The following IPO7 variants were observed in gnomAD, a reference collection of about 807,000 sequenced individuals.
IPO7 encodes importin-7.
Under a neutral mutation model 136.4 loss-of-function variants are expected in IPO7, and 13 were observed. That is an observed-to-expected ratio of 0.10 (90% CI 0.06 to 0.15). The LOEUF (loss-of-function observed/expected upper bound fraction) is 0.15, where lower values mean the gene tolerates loss of function less well. Ranked by LOEUF, IPO7 falls within the 10% of genes least tolerant of loss-of-function variation. The pLI, the probability that IPO7 is intolerant of heterozygous loss-of-function variation, is 1.00. For missense variants in IPO7, 857 were observed against 1,240.6 expected, an observed-to-expected ratio of 0.69 and a Z score of 4.65; for synonymous variants, 403 against 404.4, an observed-to-expected ratio of 1.00 and a Z score of 0.04.
intron 1 of IPO7, among the ~76,000 whole-genome samples, chr11:9,388,991 A>T (rs545015546): frequency 2.0e-5 from 3 of 152,116 alleles, no homozygotes; most frequent in Admixed American, 1.3e-4. Context: ...ACTTCCTGTT[A>T]TAATATTAAT....
chr11:9,415,778 C>T (rs1432157276), intron 5 of IPO7, among the ~76,000 whole-genome samples: 1 of 150,906 alleles, frequency 6.6e-6, no homozygotes, highest in Non-Finnish European at 1.5e-5. Flanking sequence ...GCAGAGGTTG[C>T]AGTGAGCCGA....
intron 16 of IPO7, 26 bp from the exon 17 acceptor site, chr11:9,433,544 A>G (rs771631323): frequency 3.8e-6 from 6 of 1,559,936 alleles, no homozygotes; most frequent in African/African-American, 2.7e-5. Flanking sequence ...CTGTAACTGC[A>G]TATGATTTTT....
intron 1 of IPO7, among the ~76,000 whole-genome samples, chr11:9,392,864 G>C (rs917910428): frequency 6.7e-6 from 1 of 149,816 alleles, no homozygotes; most frequent in South Asian, 2.1e-4. Context: ...TATGAGAACC[G>C]CTTGAACCTG....
intron 22 of IPO7, 95 bp downstream of exon 22, chr11:9,438,380 A>G (rs537892889): frequency 4.1e-4 from 313 of 765,608 alleles, no homozygotes; most frequent in Non-Finnish European, 5.9e-4. Context: ...TAATCCCAGC[A>G]CTTTGGGAGG....
chr11:9,431,041 T>C (rs1475088858), intron 16 of IPO7, 38 bp downstream of exon 16: 2 of 1,581,882 alleles, frequency 1.3e-6, no homozygotes, highest in Non-Finnish European at 1.7e-6. Context: ...TTTCAAGCCA[T>C]TTTATGCTTT....
rs1274832696 is a variant in IPO7 at position 9,397,342 on chromosome 11, ATATAT to A, written c.85-5947_85-5943del. On this transcript the variant is annotated intron_variant, in intron 1 of 24. Transcript: ENST00000379719. ...TTTACTAAAAATAATTTAAAAAAAA[ATATAT>A]ATATATATATATATATATTAGTCGG... is the stretch of plus-strand genomic sequence containing the variant. Among the ~76,000 whole-genome samples, 20 of 14,526 alleles carry A rather than the reference ATATAT, an allele frequency of 1.4e-3. 3 individuals carry two copies. Among genetic ancestry groups the A allele is most frequent in the African/African-American group, 5.1e-3 (18 of 3,526 alleles). 9.5% of individuals were successfully genotyped at this position (14,526 alleles called of 152,430 possible).
intron 24 of IPO7, among the ~76,000 whole-genome samples, chr11:9,442,928 CA>C (rs1855478559): frequency 6.6e-6 from 1 of 152,020 alleles, no homozygotes; most frequent in African/African-American, 2.4e-5. Flanking sequence ...GAGGCTGAGG[CA>C]GGAAAATTGC....
chr11:9,419,078 G>A (rs1010681997), intron 6 of IPO7, among the ~76,000 whole-genome samples: 2 of 151,964 alleles, frequency 1.3e-5, no homozygotes, highest in Non-Finnish European at 2.9e-5. Flanking sequence ...GTCTTTTTGT[G>A]GTCACATGTT....
At chr11:9,397,341 A>AAAAAAAAAAAAAAAAAAT in intron 1 of IPO7, among the ~76,000 whole-genome samples, 2 of 10,762 alleles carry the variant, frequency 1.9e-4, no homozygotes, top group Admixed American at 2.1e-3. Context: ...TTTAAAAAAA[A>AAAAAAAAAAAAAAAAAAT]ATATATATAT....
At chr11:9,410,196 T>C (rs1319143015) in intron 4 of IPO7, 110 bp downstream of exon 4, 1 of 649,662 alleles carries the variant, frequency 1.5e-6, no homozygotes, top group East Asian at 3.4e-5. Flanking sequence ...ATAAAATTAG[T>C]GAATTATATG....
At chr11:9,405,795 A>G (rs1854874221) in intron 2 of IPO7, among the ~76,000 whole-genome samples, 2 of 152,182 alleles carry the variant, frequency 1.3e-5, no homozygotes, top group African/African-American at 4.8e-5. Flanking sequence ...CTTTTTGTAA[A>G]TATTTCTAAT....
At chr11:9,391,106 G>A (rs950108542) in intron 1 of IPO7, among the ~76,000 whole-genome samples, 1 of 151,774 alleles carries the variant, frequency 6.6e-6, no homozygotes, top group African/African-American at 2.4e-5. Flanking sequence ...TTTTTTTAAA[G>A]TTCCTAGTTG....
rs1855174889 is a variant in IPO7 at position 9,424,432 on chromosome 11, A to G, written c.1142-482A>G. ...AATAAAAATGAAAGCTATTAGGAGG[A>G]ATTCATGGATTAACATTTAATTTTC... is the stretch of plus-strand genomic sequence containing the variant. On this transcript the variant is annotated intron_variant, in intron 10 of 24. Transcript: ENST00000379719. Among the ~76,000 whole-genome samples the G allele has an allele frequency of 2.0e-5, 3 of 152,276 alleles. No homozygotes were observed. The South Asian group carries it at 6.2e-4, about 32-fold the overall frequency.
chr11:9,384,674 C>G lies in IPO7; in HGVS notation c.-90C>G, dbSNP rs1232399044. On this transcript the variant is annotated 5_prime_UTR_variant, in exon 1 of 25. Transcript: ENST00000379719. ...TTTCCTTTCGCGCCGGTTGCCGCTGCGGAGCGCGGCGGGTCCATGTGCGCA... is the reference window on the plus strand; with the variant it reads ...TTTCCTTTCGCGCCGGTTGCCGCTGGGGAGCGCGGCGGGTCCATGTGCGCA... 11 of 1,097,304 alleles carry G rather than the reference C, an allele frequency of 1.0e-5. No individual in the cohort carries two copies. Among genetic ancestry groups the G allele is most frequent in the Middle Eastern group, 2.4e-4 (1 of 4,110 alleles). 68.0% of individuals were successfully genotyped at this position (1,097,304 alleles called of 1,614,324 possible). A position where few individuals can be genotyped will look rare whatever the true frequency, so the allele number is the denominator to read the frequency against.
intron 1 of IPO7, among the ~76,000 whole-genome samples, chr11:9,387,090 T>A (rs553774986): frequency 6.6e-6 from 1 of 152,208 alleles, no homozygotes; most frequent in African/African-American, 2.4e-5. Context: ...TCTTGAATAT[T>A]GTTAAGAATG....
chr11:9,444,192 C>T (rs953142179), intron 24 of IPO7, among the ~76,000 whole-genome samples: 1 of 150,762 alleles, frequency 6.6e-6, no homozygotes, highest in African/African-American at 2.4e-5. Flanking sequence ...GCAGGAGAAT[C>T]GCTCGAACCT....
chr11:9,404,360 G>T (rs191538816), intron 2 of IPO7, among the ~76,000 whole-genome samples: 103 of 151,704 alleles, frequency 6.8e-4, no homozygotes, highest in African/African-American at 2.4e-3. Context: ...AGCTACTCGG[G>T]AGGCTGAGGC....
intron 19 of IPO7, 126 bp from the exon 20 acceptor site, chr11:9,436,145 C>A: frequency 1.6e-6 from 1 of 627,198 alleles, no homozygotes; most frequent in South Asian, 2.0e-5. Flanking sequence ...TGCAGTTATT[C>A]ATATTAATTA....
At chr11:9,396,271 CTGTAA>C (rs1854707534) in intron 1 of IPO7, among the ~76,000 whole-genome samples, 1 of 151,990 alleles carries the variant, frequency 6.6e-6, no homozygotes, top group African/African-American at 2.4e-5. Context: ...GCACATGCCC[CTGTAA>C]TCCCAACTAC....
Sources: allele counts gnomAD v4.1 joint callset (sites outside exome capture counted in the v4.1 genomes callset), GRCh38; gene constraint gnomAD v4.1.1; transcripts MANE v1.5; gene names NCBI Gene and HGNC (gene_info 2026-07-23, HGNC 2026-07-21).